The following NKAIN3 variants were observed in gnomAD, a reference collection of about 807,000 sequenced individuals.
NKAIN3 encodes the protein sodium/potassium-transporting ATPase subunit beta-1-interacting protein 3.
NKAIN3 carries 25 observed loss-of-function variants against 30.2 expected under a neutral mutation model. The ratio of observed to expected loss-of-function variants is 0.83; its 90% CI spans 0.60 to 1.16. NKAIN3 has a LOEUF of 1.16. Among genes scored for constraint, NKAIN3 ranks in the 50% most tolerant of loss-of-function variants. The pLI is 0.00. For synonymous variants in NKAIN3, 91 were observed against 89.6 expected (o/e 1.02, Z -0.09); for missense variants, 225 against 254.1 (o/e 0.89, Z 0.78).
At chr8:62,913,728 G>A (rs1451408607) in intron 4 of NKAIN3, among the ~76,000 whole-genome samples, 3 of 152,130 alleles carry the variant, frequency 2.0e-5, no homozygotes, top group Non-Finnish European at 4.4e-5. Flanking sequence ...AGAGTTGACA[G>A]GTGTCCTCCT....
chr8:62,462,277 G>C (rs1225680788), intron 1 of NKAIN3, among the ~76,000 whole-genome samples: 1 of 152,114 alleles, frequency 6.6e-6, no homozygotes, highest in Admixed American at 6.5e-5. Flanking sequence ...ATTGGAGGGA[G>C]AGCAGGAGAG....
chr8:62,560,869 T>A (rs1167613011), intron 1 of NKAIN3, among the ~76,000 whole-genome samples: 2 of 152,148 alleles, frequency 1.3e-5, no homozygotes, highest in Admixed American at 6.6e-5. Context: ...CTGTTGTAGA[T>A]CCTATCTACT....
At chr8:62,771,644 TA>T (rs35552687) in intron 4 of NKAIN3, among the ~76,000 whole-genome samples, 13,381 of 150,966 alleles carry the variant, frequency 0.089, 612 homozygotes, top group Middle Eastern at 0.092. Context: ...ATCACATGTA[TA>T]AAAAAAAAGA....
chr8:62,940,057 G>C (rs1014631721), intron 5 of NKAIN3, among the ~76,000 whole-genome samples: 2 of 151,868 alleles, frequency 1.3e-5, no homozygotes, highest in African/African-American at 4.8e-5. Context: ...AGGTAAAGAG[G>C]TGGGAAAAGA....
intron 4 of NKAIN3, among the ~76,000 whole-genome samples, chr8:62,807,671 G>T (rs1371312995): frequency 6.7e-6 from 1 of 149,284 alleles, no homozygotes; most frequent in Non-Finnish European, 1.5e-5. Flanking sequence ...TCCTGCCTCA[G>T]CCTCCCAAGT....
At chr8:62,817,113 T>A (rs954344726) in intron 4 of NKAIN3, among the ~76,000 whole-genome samples, 1 of 152,194 alleles carries the variant, frequency 6.6e-6, no homozygotes, top group Non-Finnish European at 1.5e-5. Flanking sequence ...TTGTCACTTA[T>A]TTGCTGAATT....
At chr8:62,603,773 G>A (rs1290656145) in intron 3 of NKAIN3, among the ~76,000 whole-genome samples, 1 of 152,038 alleles carries the variant, frequency 6.6e-6, no homozygotes, top group African/African-American at 2.4e-5. Flanking sequence ...CCTTAGCATA[G>A]GAGTCAGGAT....
chr8:62,852,061 TTCAGCTGTGAATCCATCTGG>T (rs1819922966), intron 4 of NKAIN3, among the ~76,000 whole-genome samples: 1 of 152,198 alleles, frequency 6.6e-6, no homozygotes, highest in African/African-American at 2.4e-5. Context: ...TCTGGTAGAA[TTCAGCTGTGAATCCATCTGG>T]TCCTGGACTT....
intron 4 of NKAIN3, among the ~76,000 whole-genome samples, chr8:62,835,399 A>C (rs1819327231): frequency 6.6e-6 from 1 of 152,172 alleles, no homozygotes; most frequent in Admixed American, 6.6e-5. Flanking sequence ...ACAGAGCGGG[A>C]GAAAATATTA....
At chr8:62,293,280 G>A (rs1043075221) in intron 1 of NKAIN3, among the ~76,000 whole-genome samples, 8 of 152,168 alleles carry the variant, frequency 5.3e-5, no homozygotes, top group African/African-American at 1.4e-4. Flanking sequence ...TTGCTGGCGA[G>A]GAGCTGCGTT....
chr8:62,701,058 G>T (rs540630776), intron 3 of NKAIN3, among the ~76,000 whole-genome samples: 1 of 152,264 alleles, frequency 6.6e-6, no homozygotes, highest in South Asian at 2.1e-4. Context: ...AAATTATTTT[G>T]TTGAAGGTCA....
At chr8:62,414,390 T>C (rs7831110) in intron 1 of NKAIN3, among the ~76,000 whole-genome samples, 14 of 150,182 alleles carry the variant, frequency 9.3e-5, no homozygotes, top group African/African-American at 2.9e-4. Flanking sequence ...GCCATTTACA[T>C]TGAGGAATGG....
intron 1 of NKAIN3, among the ~76,000 whole-genome samples, chr8:62,345,440 T>C (rs71513476): frequency 0.01 from 1,115 of 108,328 alleles, 36 homozygotes; most frequent in Non-Finnish European, 0.016. Flanking sequence ...CATATATGTA[T>C]ATATACACAC....
At position 62,741,385 on chromosome 8, in the gene NKAIN3, A is replaced by C. The variant is rs976418882; in HGVS notation, c.274-5547A>C. Among the ~76,000 whole-genome samples, 95 of 146,400 alleles carry C rather than the reference A, an allele frequency of 6.5e-4. 1 individual carries two copies. The Middle Eastern group carries it at 0.01, about 16-fold the overall frequency. ...AAAGAAGGAAGGAAGGAAGGAAGGA[A>C]GGAAGGAAGGAAGGAAGGAAGGAAG... On this transcript the variant is annotated intron_variant, in intron 3 of 6. Transcript: ENST00000623646.
At chr8:62,415,768 A>G (rs1044975533) in intron 1 of NKAIN3, among the ~76,000 whole-genome samples, 2 of 150,356 alleles carry the variant, frequency 1.3e-5, no homozygotes, top group Non-Finnish European at 3.0e-5. Flanking sequence ...TATTATTATT[A>G]TTATTTTGAG....
intron 1 of NKAIN3, among the ~76,000 whole-genome samples, chr8:62,444,270 C>A (rs1328613807): frequency 1.3e-5 from 2 of 152,072 alleles, no homozygotes; most frequent in South Asian, 4.1e-4. Flanking sequence ...TATCTTCTAG[C>A]TACTTTGAAA....
At chr8:62,766,164 A>G (rs865895568) in intron 4 of NKAIN3, among the ~76,000 whole-genome samples, 1 of 152,208 alleles carries the variant, frequency 6.6e-6, no homozygotes, top group East Asian at 1.9e-4. Flanking sequence ...TATTAGAATA[A>G]CACAGAGGAA....
chr8:62,645,640 A>G (rs1361031091), intron 3 of NKAIN3, among the ~76,000 whole-genome samples: 1 of 152,154 alleles, frequency 6.6e-6, no homozygotes, highest in South Asian at 2.1e-4. Context: ...GTGACAGATT[A>G]TGTGAAAGCT....
chr8:62,664,133 GC>G (rs1347177227), intron 3 of NKAIN3, among the ~76,000 whole-genome samples: 5 of 151,934 alleles, frequency 3.3e-5, no homozygotes, highest in Non-Finnish European at 7.4e-5. Flanking sequence ...CCTAGCAGAA[GC>G]TTTTACCTGT....
Sources: gnomAD v4.1 joint callset for allele counts (sites outside exome capture counted in the v4.1 genomes callset) on GRCh38, gnomAD v4.1.1 for gene constraint, MANE v1.5 for transcripts, NCBI Gene and HGNC (gene_info 2026-07-23, HGNC 2026-07-21) for gene names.